TMEM64: variants seen among roughly 807,000 people sequenced by gnomAD.
TMEM64 encodes transmembrane protein 64.
Under a neutral mutation model 24.5 loss-of-function variants are expected in TMEM64, and 19 were observed. The ratio of observed to expected loss-of-function variants is 0.78; its 90% CI spans 0.54 to 1.14. TMEM64 has a LOEUF of 1.14. Ranked by LOEUF, TMEM64 falls within the 50% of genes most tolerant of loss-of-function variation. TMEM64 has a pLI of 0.00. For synonymous variants in TMEM64, 262 were observed against 224.7 expected, an observed-to-expected ratio of 1.17 and a Z score of -1.49; for missense variants, 487 against 493.0, an observed-to-expected ratio of 0.99 and a Z score of 0.12.
At chr8:90,641,825 T>G (rs1455999037) in intron 1 of TMEM64, among the ~76,000 whole-genome samples, 1 of 152,230 alleles carries the variant, frequency 6.6e-6, no homozygotes, top group Non-Finnish European at 1.5e-5. Flanking sequence ...TCACTGTCCT[T>G]ATTTTGGAAG....
chr8:90,631,592 G>T lies in TMEM64; in HGVS notation c.911C>A (p.Ala304Glu), dbSNP rs1442634100. Residue 304 changes from alanine to glutamate, a missense_variant, in exon 2 of 3, where the codon GCA (alanine) becomes GAA (glutamate). This residue lies in a region of TMEM64 where 419 missense variants were observed against 407.5 expected (regional missense o/e 1.03). Transcript: ENST00000458549. ...AAAATATCCACTAACACTCTGTTCTGCAATGACATCTTCCATTGTCCGCAG... is the reference window on the plus strand; with the variant it reads ...AAAATATCCACTAACACTCTGTTCTTCAATGACATCTTCCATTGTCCGCAG... ...TTLRTMEDVI[A>E]EQSVSGYFVF... The T allele has an allele frequency of 6.2e-7, 1 of 1,613,030 alleles. No individual in the cohort carries two copies. The highest frequency in any genetic ancestry group is 8.5e-7 in the Non-Finnish European group (1 of 1,179,300).
chr8:90,624,722 AG>A lies in TMEM64; in HGVS notation c.*948del, dbSNP rs1809329093. Reference sequence around the variant, plus strand: ...CATGAAATTATAAACATGTTTTTAAAGCTTGGTTTTTAAAAAAGGCGTTTTG... The same window carrying A: ...CATGAAATTATAAACATGTTTTTAAACTTGGTTTTTAAAAAAGGCGTTTTG... On this transcript the variant is annotated 3_prime_UTR_variant, in exon 3 of 3. Transcript: ENST00000458549. The A allele has an allele frequency of 6.6e-6, 1 of 152,580 alleles. No individual in the cohort carries two copies. The highest frequency in any genetic ancestry group is 1.5e-5 in the Non-Finnish European group (1 of 67,970). 9.5% of individuals were successfully genotyped at this position (152,580 alleles called of 1,614,324 possible). A position where few individuals can be genotyped will look rare whatever the true frequency, so the allele number is the denominator to read the frequency against.
At chr8:90,636,762 A>G (rs1809524278) in intron 1 of TMEM64, among the ~76,000 whole-genome samples, 1 of 152,142 alleles carries the variant, frequency 6.6e-6, no homozygotes. Flanking sequence ...CTAGATCAAT[A>G]CCATTGGAAT....
At chr8:90,639,925 A>G (rs191714558) in intron 1 of TMEM64, among the ~76,000 whole-genome samples, 13 of 152,356 alleles carry the variant, frequency 8.5e-5, no homozygotes, top group Middle Eastern at 6.8e-3. Context: ...ATACATTAAT[A>G]TAACAGGCTA....
chr8:90,643,291 C>A (rs1028836071), intron 1 of TMEM64, among the ~76,000 whole-genome samples: 2 of 152,188 alleles, frequency 1.3e-5, no homozygotes, highest in Non-Finnish European at 2.9e-5. Context: ...AAAGCCAACA[C>A]GTGTTTGTTA....
chr8:90,629,729 A>T (rs1182638486), intron 2 of TMEM64, among the ~76,000 whole-genome samples: 1 of 152,266 alleles, frequency 6.6e-6, no homozygotes, highest in East Asian at 1.9e-4. Flanking sequence ...TCTGAAGAAA[A>T]TATAGCTCTG....
At chr8:90,641,306 A>G (rs908987996) in intron 1 of TMEM64, among the ~76,000 whole-genome samples, 2 of 152,206 alleles carry the variant, frequency 1.3e-5, no homozygotes, top group Admixed American at 6.5e-5. Flanking sequence ...CAGTAACACT[A>G]TTTACGGATG....
chr8:90,626,954 T>C (rs574202996), intron 2 of TMEM64, among the ~76,000 whole-genome samples: 1 of 152,168 alleles, frequency 6.6e-6, no homozygotes, highest in African/African-American at 2.4e-5. Flanking sequence ...GTACAGCTCC[T>C]CAGAATGTCT....
rs373056626 is a variant in TMEM64, at chr8:90,645,191, C to G, written c.715G>C (p.Glu239Gln). 2.5e-6 allele frequency: 4 copies of G among 1,614,202 alleles called. No homozygotes were observed. The highest frequency in any genetic ancestry group is 2.7e-5 in the African/African-American group (2 of 75,056). Residue 239 changes from glutamate (E) to glutamine (Q), a missense_variant, in exon 1 of 3, where the codon GAG becomes CAG. Around this residue, in one of 3 missense-constraint regions of TMEM64, gnomAD observed 419 missense variants for 407.5 expected, o/e 1.03. Coordinates refer to ENST00000458549, the MANE Select transcript of TMEM64 (RefSeq NM_001008495.4). The surrounding 1 kb of genome is among the most constrained non-coding windows in gnomAD (Gnocchi z 4.2). ...ACCACTTTCAGGCCGCTTCCTCCCT[C>G]CACTACGCGAATAACCGCGCTCAGC... ...EKLSAVIRVV[E>Q]GGSGLKVVAL...
chr8:90,632,507 A>G (rs1175431259), intron 1 of TMEM64, among the ~76,000 whole-genome samples: 1 of 152,098 alleles, frequency 6.6e-6, no homozygotes, highest in East Asian at 1.9e-4. Flanking sequence ...TATTTTTAGT[A>G]GAGATGGGGT....
chr8:90,625,929 A>C, intron 2 of TMEM64, 67 bp from the exon 3 acceptor site: 1 of 1,263,706 alleles, frequency 7.9e-7, no homozygotes, highest in South Asian at 1.5e-5. Flanking sequence ...AAATCCAATA[A>C]ATATTTGGCT....
At chr8:90,633,514 G>A (rs1167838487) in intron 1 of TMEM64, among the ~76,000 whole-genome samples, 2 of 152,168 alleles carry the variant, frequency 1.3e-5, no homozygotes, top group South Asian at 4.1e-4. Context: ...AAGTGATCTG[G>A]TATACAGCAA....
chr8:90,634,697 G>C (rs1284334683), intron 1 of TMEM64, among the ~76,000 whole-genome samples: 1 of 152,010 alleles, frequency 6.6e-6, no homozygotes, highest in Non-Finnish European at 1.5e-5. Flanking sequence ...TGCATTTCTT[G>C]TTAGTTTATT....
intron 1 of TMEM64, among the ~76,000 whole-genome samples, chr8:90,635,145 A>G (rs576983598): frequency 6.6e-6 from 1 of 152,278 alleles, no homozygotes; most frequent in African/African-American, 2.4e-5. Flanking sequence ...CCTCAGAAAC[A>G]GGCAGAATGG....
At chr8:90,640,290 T>G (rs982564165) in intron 1 of TMEM64, among the ~76,000 whole-genome samples, 1 of 152,222 alleles carries the variant, frequency 6.6e-6, no homozygotes, top group African/African-American at 2.4e-5. Context: ...CATATCTTTT[T>G]TTGAATCTAT....
chr8:90,634,861 T>G (rs1165667546), intron 1 of TMEM64, among the ~76,000 whole-genome samples: 1 of 152,222 alleles, frequency 6.6e-6, no homozygotes, highest in Non-Finnish European at 1.5e-5. Flanking sequence ...TTTAATCAGC[T>G]ATAGGTGAAT....
At chr8:90,640,967 G>C (rs1004123358) in intron 1 of TMEM64, among the ~76,000 whole-genome samples, 8 of 152,136 alleles carry the variant, frequency 5.3e-5, no homozygotes, top group African/African-American at 1.9e-4. Flanking sequence ...GTAAGGTCTT[G>C]CACTTTAAAA....
chr8:90,628,866 A>C lies in TMEM64; in HGVS notation c.951+2686T>G, dbSNP rs949264026. Among the ~76,000 whole-genome samples, 6 of 152,348 alleles carry C rather than the reference A, an allele frequency of 3.9e-5. No homozygotes were observed. In the East Asian group the frequency reaches 7.7e-4, roughly 20 times the overall value. On this transcript the variant is annotated intron_variant, in intron 2 of 2. Coordinates refer to ENST00000458549, the MANE Select transcript of TMEM64 (RefSeq NM_001008495.4). ...CTCAACAGGTAAGCACAATGTAAAT[A>C]TACTGAAATCTGAGGAAATTCAAAA...
rs932419645 is a variant in TMEM64, at chr8:90,623,653, A to C, written c.*2018T>G. On this transcript the variant is annotated 3_prime_UTR_variant, in exon 3 of 3. Transcript: ENST00000458549. ...TGTTAAGTACCAAGCAAAGTGTAACAATTAGAAGAACTCATTACAAACTAC... is the reference window on the plus strand; with the variant it reads ...TGTTAAGTACCAAGCAAAGTGTAACCATTAGAAGAACTCATTACAAACTAC... 6.6e-6 allele frequency: 1 copy of C among 152,596 alleles called. No homozygotes were observed. Among genetic ancestry groups the C allele is most frequent in the Non-Finnish European group, 1.5e-5 (1 of 67,992 alleles). 9.5% of individuals were successfully genotyped at this position (152,596 alleles called of 1,614,324 possible). A position where few individuals can be genotyped will look rare whatever the true frequency, so the allele number is the denominator to read the frequency against.
Sources: gnomAD v4.1 joint callset for allele counts (sites outside exome capture counted in the v4.1 genomes callset) on GRCh38, gnomAD v4.1.1 for gene constraint, gnomAD v4.1.1 regional missense constraint, Gnocchi (gnomAD v3.1) non-coding constraint, MANE v1.5 for transcripts, NCBI Gene and HGNC (gene_info 2026-07-23, HGNC 2026-07-21) for gene names.